Variants in FRMPD4 observed in about 807,000 individuals in gnomAD.
The protein encoded by FRMPD4 is FERM and PDZ domain-containing protein 4.
Under a neutral mutation model 94.1 loss-of-function variants are expected in FRMPD4, and 22 were observed. The ratio of observed to expected loss-of-function variants is 0.23; its 90% CI spans 0.17 to 0.33. The LOEUF is 0.33. FRMPD4 is among the 10% of genes least tolerant of loss of function. The pLI is 1.00. For synonymous variants in FRMPD4, 631 were observed against 548.6 expected (o/e 1.15, Z -2.10); for missense variants, 1,111 against 1,339.9 (o/e 0.83, Z 2.67).
At chrX:12,348,068 T>C (rs1343706591) in intron 1 of FRMPD4, among the ~76,000 whole-genome samples, 1 of 112,029 alleles carries the variant, frequency 8.9e-6, no homozygotes, top group Admixed American at 9.5e-5. Context: ...ACACTCAAAG[T>C]ATTAAGGATA....
chrX:12,150,186 C>G (rs2055828065), intron 1 of FRMPD4, among the ~76,000 whole-genome samples: 1 of 112,270 alleles, frequency 8.9e-6, no homozygotes, highest in Non-Finnish European at 1.9e-5. Flanking sequence ...TATGTCTGTA[C>G]TGAGTAAATA....
At chrX:12,223,614 A>G (rs2056892833) in intron 1 of FRMPD4, among the ~76,000 whole-genome samples, 1 of 112,357 alleles carries the variant, frequency 8.9e-6, no homozygotes, top group African/African-American at 3.2e-5. Flanking sequence ...AGTTGGAAGG[A>G]AAAAAAGGAA....
chrX:12,640,296 C>CAAAAAAAAAAAAAAAAAAAAAAAAA, intron 4 of FRMPD4, among the ~76,000 whole-genome samples: 1 of 23,804 alleles, frequency 4.2e-5, no homozygotes, highest in Non-Finnish European at 6.5e-5. Context: ...GAGGCTGTCT[C>CAAAAAAAAAAAAAAAAAAAAAAAAA]AAAAAAAAAA....
At chrX:12,266,132 C>CAAAAAAAAAAAAAAAAAAAAAAAA (rs3990340) in intron 1 of FRMPD4, among the ~76,000 whole-genome samples, 1 of 25,771 alleles carries the variant, frequency 3.9e-5, no homozygotes, top group African/African-American at 1.4e-4. Context: ...GACTCCGTCT[C>CAAAAAAAAAAAAAAAAAAAAAAAA]AAAAAAAAAA....
At chrX:12,204,831 TC>T (rs2056672622) in intron 1 of FRMPD4, among the ~76,000 whole-genome samples, 1 of 111,302 alleles carries the variant, frequency 9.0e-6, no homozygotes, top group Non-Finnish European at 1.9e-5. Flanking sequence ...TCTGCTATTC[TC>T]CCCAGATCCC....
chrX:12,133,342 G>C (rs1163115624), intron 3 of FRMPD4, among the ~76,000 whole-genome samples: 1 of 110,440 alleles, frequency 9.1e-6, no homozygotes, highest in East Asian at 2.8e-4. Context: ...AAAGTGTTGG[G>C]ATTTCAGGCC....
chrX:12,400,610 A>T (rs2056597926), intron 1 of FRMPD4, among the ~76,000 whole-genome samples: 1 of 111,967 alleles, frequency 8.9e-6, no homozygotes, highest in African/African-American at 3.2e-5. Flanking sequence ...GCCCTTTTCG[A>T]CCTAGGATGG....
intron 3 of FRMPD4, among the ~76,000 whole-genome samples, chrX:11,918,386 C>T (rs750111825): frequency 2.8e-4 from 31 of 111,977 alleles, no homozygotes; most frequent in African/African-American, 9.7e-4. Context: ...GGGTGGATCA[C>T]CTGAGGTCAG....
At chrX:11,840,618 T>A (rs1019700580) in intron 1 of FRMPD4, among the ~76,000 whole-genome samples, 2 of 110,500 alleles carry the variant, frequency 1.8e-5, no homozygotes, top group Admixed American at 1.9e-4. Context: ...TTCATCCTTG[T>A]TTTGTTCTTA....
chrX:12,356,800 T>C (rs1377511187), intron 1 of FRMPD4, among the ~76,000 whole-genome samples: 1 of 111,963 alleles, frequency 8.9e-6, no homozygotes, highest in Non-Finnish European at 1.9e-5. Context: ...GCTACTGTAT[T>C]GAACAGCACC....
chrX:12,199,271 A>ATG (rs768931246), intron 1 of FRMPD4, among the ~76,000 whole-genome samples: 113 of 54,629 alleles, frequency 2.1e-3, no homozygotes, highest in Admixed American at 3.9e-3. Flanking sequence ...GTGTGTGTGT[A>ATG]TGTGTGTGTG....
intron 1 of FRMPD4, among the ~76,000 whole-genome samples, chrX:12,284,173 C>T: frequency 9.0e-6 from 1 of 111,727 alleles, no homozygotes. Flanking sequence ...TTTCTGGAAA[C>T]TTTGGGGAAG....
At chrX:12,520,425 C>G (rs894318371) in intron 2 of FRMPD4, among the ~76,000 whole-genome samples, 5 of 111,682 alleles carry the variant, frequency 4.5e-5, no homozygotes, top group African/African-American at 1.6e-4. Context: ...TGAAAAAGTT[C>G]TGGAGATCTG....
intron 3 of FRMPD4, among the ~76,000 whole-genome samples, chrX:12,055,842 A>G (rs1270399108): frequency 9.0e-6 from 1 of 111,617 alleles, no homozygotes; most frequent in African/African-American, 3.3e-5. Flanking sequence ...TGCAATATGG[A>G]TAATTAGACA....
At chrX:12,550,991 T>G (rs2058531546) in intron 2 of FRMPD4, among the ~76,000 whole-genome samples, 2 of 110,928 alleles carry the variant, frequency 1.8e-5, no homozygotes, top group Admixed American at 1.9e-4. Context: ...TTTATTTTTC[T>G]GTCTCCTGGA....
intron 2 of FRMPD4, among the ~76,000 whole-genome samples, chrX:12,584,548 TA>T (rs1322195554): frequency 1.8e-5 from 2 of 111,299 alleles, no homozygotes; most frequent in Non-Finnish European, 3.8e-5. Context: ...TATTATGAAT[TA>T]CAAAGGAGGA....
intron 9 of FRMPD4, among the ~76,000 whole-genome samples, chrX:12,695,502 T>C (rs1302103957): frequency 1.8e-5 from 2 of 111,200 alleles, no homozygotes; most frequent in African/African-American, 6.6e-5. Flanking sequence ...CCTCCCGGGT[T>C]CAAGTGATTC....
chrX:11,846,596 A>C (rs1223087349), intron 1 of FRMPD4, among the ~76,000 whole-genome samples: 74 of 108,391 alleles, frequency 6.8e-4, no homozygotes, highest in Admixed American at 5.5e-3. Flanking sequence ...CAAAAGAACA[A>C]AGCTGGAGGC....
chrX:12,379,666 T>TGTGTGG (rs2056293345), intron 1 of FRMPD4, among the ~76,000 whole-genome samples: 1 of 108,711 alleles, frequency 9.2e-6, no homozygotes, highest in Non-Finnish European at 1.9e-5. Context: ...TGTGTGTGTG[T>TGTGTGG]GTGTGTGTGT....
Sources: gnomAD v4.1 joint callset for allele counts (sites outside exome capture counted in the v4.1 genomes callset) on GRCh38, gnomAD v4.1.1 for gene constraint, MANE v1.5 for transcripts, NCBI Gene and HGNC (gene_info 2026-07-23, HGNC 2026-07-21) for gene names.